GTF2IRD1: variants seen among roughly 807,000 people sequenced by gnomAD.
GTF2IRD1 encodes the protein GTF2I repeat domain containing 1, also known as general transcription factor II-I repeat domain-containing protein 1.
In GTF2IRD1, 26 loss-of-function variants were observed where a neutral mutation model predicts 113.2. That is an observed-to-expected ratio of 0.23 (90% CI 0.17 to 0.32). The LOEUF (loss-of-function observed/expected upper bound fraction) is 0.32. Among genes scored for constraint, GTF2IRD1 ranks in the 10% least tolerant of loss-of-function variants. The probability of loss-of-function intolerance (pLI) is 1.00; values close to 1 mark genes in which losing one functional copy is unlikely to be tolerated. For missense variants in GTF2IRD1, 864 were observed against 1,280.8 expected (o/e 0.67, Z 4.97); for synonymous variants, 484 against 529.1 (o/e 0.91, Z 1.17).
At chr7:74,592,359 C>A (rs1802109148) in intron 24 of GTF2IRD1, among the ~76,000 whole-genome samples, 1 of 151,846 alleles carries the variant, frequency 6.6e-6, no homozygotes, top group Non-Finnish European at 1.5e-5. Flanking sequence ...CCTACCTCAG[C>A]CTCCCAAAGT....
intron 22 of GTF2IRD1, among the ~76,000 whole-genome samples, chr7:74,575,170 GC>G (rs1364991476): frequency 3.9e-5 from 6 of 152,150 alleles, no homozygotes; most frequent in African/African-American, 1.4e-4. Flanking sequence ...AATCTGCAAA[GC>G]GTAAACCATG....
At chr7:74,589,703 GA>G (rs370934211) in intron 22 of GTF2IRD1, 147 bp from the exon 23 acceptor site, 29,105 of 419,068 alleles carry the variant, frequency 0.069, 73 homozygotes, top group South Asian at 0.086. Context: ...GTCTCAAAAG[GA>G]AAAAAAAAAA....
Position 74,538,867 on chromosome 7 carries a change from CTG to C in GTF2IRD1, c.1528+110_1528+111del, listed in dbSNP as rs1798463988. The C allele has an allele frequency of 1.5e-5, 10 of 672,042 alleles. No homozygotes were observed. In the South Asian group the frequency reaches 1.6e-4, roughly 11 times the overall value. The allele number at this position is 672,042 out of a possible 1,614,324, so 41.6% of individuals were successfully genotyped here. ...GTGGCCTCCAGGCCGCTGTTTCTCT[CTG>C]TGGATTCTGAGAGCCATCGGGGTAC... is the stretch of plus-strand genomic sequence containing the variant. On this transcript the variant is annotated intron_variant, in intron 13 of 26. Transcript: ENST00000424337.
chr7:74,538,199 T>G, intron 12 of GTF2IRD1, 26 bp downstream of exon 12: 6 of 1,610,512 alleles, frequency 3.7e-6, no homozygotes, highest in Non-Finnish European at 5.1e-6. Context: ...GCCCGCTGTG[T>G]GTGTGGTGGG....
intron 22 of GTF2IRD1, among the ~76,000 whole-genome samples, chr7:74,583,099 G>A (rs1449401903): frequency 6.6e-6 from 1 of 152,178 alleles, no homozygotes; most frequent in Non-Finnish European, 1.5e-5. Context: ...TGTTGACTGA[G>A]CTAGAGAATC....
chr7:74,515,277 G>A, intron 3 of GTF2IRD1, 164 bp from the exon 4 acceptor site: 3 of 1,434,646 alleles, frequency 2.1e-6, no homozygotes, highest in Non-Finnish European at 1.9e-6. Context: ...TGGGGTGGTT[G>A]GAATAGGGCT....
intron 22 of GTF2IRD1, among the ~76,000 whole-genome samples, chr7:74,561,226 G>A (rs1432150039): frequency 6.6e-6 from 1 of 151,688 alleles, no homozygotes; most frequent in African/African-American, 2.4e-5. Flanking sequence ...GCGCACACCT[G>A]TAATCCCAGC....
At chr7:74,552,325 C>A (rs1799361924) in intron 17 of GTF2IRD1, among the ~76,000 whole-genome samples, 2 of 152,228 alleles carry the variant, frequency 1.3e-5, no homozygotes, top group African/African-American at 2.4e-5. Flanking sequence ...TCGAGACCAG[C>A]CTGCCCAACA....
At chr7:74,601,443 C>T in intron 26 of GTF2IRD1, 3 of 1,458,684 alleles carry the variant, frequency 2.1e-6, no homozygotes, top group Non-Finnish European at 2.7e-6. Flanking sequence ...GGTCCACCTG[C>T]CCACACCCTT....
chr7:74,505,950 C>T (rs1554340956), intron 1 of GTF2IRD1: 1 of 152,254 alleles, frequency 6.6e-6, no homozygotes, highest in East Asian at 1.9e-4. Context: ...AGATTTCAAA[C>T]TTCTATAAAA....
chr7:74,538,249 G>A, intron 12 of GTF2IRD1, 76 bp downstream of exon 12: 5 of 1,446,696 alleles, frequency 3.5e-6, no homozygotes, highest in Non-Finnish European at 3.9e-6. Flanking sequence ...CAGCCTTGGG[G>A]AGGAGCTCAA....
intron 1 of GTF2IRD1, among the ~76,000 whole-genome samples, chr7:74,456,582 C>T (rs1554327325): frequency 6.6e-6 from 1 of 151,902 alleles, no homozygotes; most frequent in African/African-American, 2.4e-5. Flanking sequence ...GCTCGGGAGG[C>T]TGAGGCAGGA....
chr7:74,536,083 TCA>T (rs1665385004), intron 10 of GTF2IRD1, 82 bp from the exon 11 acceptor site: 4 of 870,972 alleles, frequency 4.6e-6, no homozygotes, highest in South Asian at 4.3e-5. Context: ...TCCCCCAGCT[TCA>T]CACACAGACC....
chr7:74,529,025 G>T (rs1389543803), intron 8 of GTF2IRD1, among the ~76,000 whole-genome samples: 1 of 152,090 alleles, frequency 6.6e-6, no homozygotes, highest in Non-Finnish European at 1.5e-5. Flanking sequence ...ACGGACTGAT[G>T]GATGGATGTT....
chr7:74,484,783 A>G (rs576311813), intron 1 of GTF2IRD1, among the ~76,000 whole-genome samples: 93 of 152,092 alleles, frequency 6.1e-4, no homozygotes, highest in Non-Finnish European at 1.1e-3. Flanking sequence ...AGGCTCAGTA[A>G]TATTCCATTG....
intron 1 of GTF2IRD1, among the ~76,000 whole-genome samples, chr7:74,491,916 A>G (rs1795368365): frequency 1.3e-5 from 2 of 152,210 alleles, no homozygotes; most frequent in South Asian, 4.1e-4. Flanking sequence ...GTCTTCCACA[A>G]TGGCTGAACT....
chr7:74,518,044 C>A, intron 4 of GTF2IRD1, 95 bp from the exon 5 acceptor site: 1 of 800,734 alleles, frequency 1.2e-6, no homozygotes, highest in Non-Finnish European at 1.9e-6. Flanking sequence ...CAAGGGGAGC[C>A]ACTCAGCACT....
chr7:74,591,069 G>A, intron 24 of GTF2IRD1, 52 bp downstream of exon 24: 1 of 1,376,360 alleles, frequency 7.3e-7, no homozygotes. Flanking sequence ...GCCATGGGGA[G>A]GGTGAAAGTC....
In GTF2IRD1 at chr7:74,536,208, A is replaced by G; in HGVS notation, c.1342A>G (p.Ser448Gly). Residue 448 changes from serine to glycine, a missense_variant, in exon 11 of 27, where the codon AGC becomes GGC. Physicochemically the swap from Ser to Gly is moderately conservative, Grantham distance 56. Transcript: ENST00000424337. ...TKDTTKLEPA[S>G]PPEDTSAEVS... ...AGACACCACGAAGCTGGAGCCAGCCAGCCCGCCAGAGGACACCTCTGCAGA... is the reference window on the plus strand; with the variant it reads ...AGACACCACGAAGCTGGAGCCAGCCGGCCCGCCAGAGGACACCTCTGCAGA... 6.2e-7 allele frequency: 1 copy of G among 1,613,880 alleles called. No homozygotes were observed. The highest frequency in any genetic ancestry group is 1.1e-5 in the South Asian group (1 of 91,088).
Sources: gnomAD v4.1 joint callset for allele counts (sites outside exome capture counted in the v4.1 genomes callset) on GRCh38, gnomAD v4.1.1 for gene constraint, MANE v1.5 for transcripts, NCBI Gene and HGNC (gene_info 2026-07-23, HGNC 2026-07-21) for gene names.